The following FOXP1 variants were observed in gnomAD, a reference collection of about 807,000 sequenced individuals.
The protein encoded by FOXP1 is forkhead box protein P1.
Under a neutral mutation model 98.2 loss-of-function variants are expected in FOXP1, and 15 were observed. That is an observed-to-expected ratio of 0.15 (90% CI 0.10 to 0.24). FOXP1 has a LOEUF of 0.24. Among genes scored for constraint, FOXP1 ranks in the 10% least tolerant of loss-of-function variants. The probability of loss-of-function intolerance (pLI) is 1.00; values close to 1 mark genes in which losing one functional copy is unlikely to be tolerated. For synonymous variants in FOXP1, 371 were observed against 314.5 expected (o/e 1.18, Z -1.90); for missense variants, 633 against 848.5 (o/e 0.75, Z 3.15).
intron 9 of FOXP1, among the ~76,000 whole-genome samples, chr3:71,051,392 C>T (rs937012246): frequency 1.3e-5 from 2 of 152,122 alleles, no homozygotes; most frequent in Non-Finnish European, 2.9e-5. Flanking sequence ...CTTGGCAGGA[C>T]ATGGAAAACG....
chr3:71,429,877 C>G (rs924904426), intron 3 of FOXP1, among the ~76,000 whole-genome samples: 2 of 152,182 alleles, frequency 1.3e-5, no homozygotes, highest in African/African-American at 4.8e-5. Flanking sequence ...GTTTATTCCT[C>G]ACTCTAAAAC....
At chr3:71,562,187 G>C (rs970791902) in intron 2 of FOXP1, among the ~76,000 whole-genome samples, 2 of 152,192 alleles carry the variant, frequency 1.3e-5, no homozygotes, top group African/African-American at 4.8e-5. Flanking sequence ...TGCCTGGACA[G>C]GGAGCAATGA....
At chr3:71,234,428 C>G (rs1004682849) in intron 5 of FOXP1, among the ~76,000 whole-genome samples, 6 of 152,198 alleles carry the variant, frequency 3.9e-5, no homozygotes, top group African/African-American at 7.2e-5. Flanking sequence ...TTCACCCTTG[C>G]AAAAGAACTG....
At chr3:71,198,432 G>GGGGGGGGGGGGGGCCCGCC in intron 5 of FOXP1, 40 bp from the exon 6 acceptor site, 1 of 491,034 alleles carries the variant, frequency 2.0e-6, no homozygotes, top group East Asian at 5.7e-5. Flanking sequence ...GGGAGGGGGG[G>GGGGGGGGGGGGGGCCCGCC]AGAAAAAAAA....
chr3:71,566,922 T>G (rs1031334941), intron 2 of FOXP1, among the ~76,000 whole-genome samples: 1 of 152,030 alleles, frequency 6.6e-6, no homozygotes, highest in Non-Finnish European at 1.5e-5. Flanking sequence ...CACACCCATC[T>G]TCTCCCTGGG....
intron 5 of FOXP1, among the ~76,000 whole-genome samples, chr3:71,260,500 A>C (rs1223907430): frequency 3.9e-5 from 6 of 151,962 alleles, no homozygotes; most frequent in African/African-American, 1.5e-4. Flanking sequence ...TAAGTAATTT[A>C]ATTATTTCTG....
intron 7 of FOXP1, among the ~76,000 whole-genome samples, chr3:71,107,968 C>T (rs935603464): frequency 3.3e-5 from 5 of 152,136 alleles, no homozygotes; most frequent in African/African-American, 9.7e-5. Context: ...ACTAAAGGGC[C>T]GGCCTTCTAA....
At chr3:71,216,208 G>A (rs1009462351) in intron 5 of FOXP1, among the ~76,000 whole-genome samples, 10 of 152,338 alleles carry the variant, frequency 6.6e-5, no homozygotes, top group African/African-American at 2.4e-4. Context: ...GCACCTGGGT[G>A]TGTTCACTTC....
intron 2 of FOXP1, among the ~76,000 whole-genome samples, chr3:71,518,335 A>G (rs2042728718): frequency 6.6e-6 from 1 of 152,222 alleles, no homozygotes. Context: ...GCTCAAGGTC[A>G]GTCAACCAAA....
intron 3 of FOXP1, among the ~76,000 whole-genome samples, chr3:71,431,482 T>A (rs1266564342): frequency 6.6e-6 from 1 of 152,160 alleles, no homozygotes; most frequent in Admixed American, 6.5e-5. Context: ...CACTCAATTC[T>A]TACCATGACT....
intron 3 of FOXP1, among the ~76,000 whole-genome samples, chr3:71,420,632 C>T (rs1028957468): frequency 6.6e-6 from 1 of 152,162 alleles, no homozygotes; most frequent in African/African-American, 2.4e-5. Flanking sequence ...CCAAGTGGAT[C>T]AGCAAAGCAA....
intron 11 of FOXP1, among the ~76,000 whole-genome samples, chr3:71,027,485 A>C (rs1425563725): frequency 6.6e-6 from 1 of 152,190 alleles, no homozygotes; most frequent in African/African-American, 2.4e-5. Context: ...TCCCTACTTT[A>C]TGTAATTACA....
chr3:71,342,189 A>G, intron 4 of FOXP1, among the ~76,000 whole-genome samples: 1 of 152,306 alleles, frequency 6.6e-6, no homozygotes, highest in Middle Eastern at 3.4e-3. Context: ...ATTACAATCT[A>G]TTTTACAAAT....
chr3:70,963,075 CAAAT>C (rs980244238), intron 20 of FOXP1, among the ~76,000 whole-genome samples: 26 of 152,162 alleles, frequency 1.7e-4, no homozygotes, highest in African/African-American at 2.2e-4. Context: ...AGTGAAAAAA[CAAAT>C]AAACAAAACA....
Position 71,198,337 on chromosome 3 carries a change from G to A in FOXP1, c.45C>T (p.Ala15=). The A allele has an allele frequency of 1.9e-6, 3 of 1,610,970 alleles. No homozygotes were observed. The highest frequency in any genetic ancestry group is 2.5e-6 in the Non-Finnish European group (3 of 1,178,572). The part of the protein sequence containing the change: ...SGTETKSNGS[A]IQNGSGGSNH... ...TGCTGCCGCCCGACCCATTCTGGAT[G>A]GCTGAACCGTTACTTTTTGTCTCAG... The change falls in exon 6 of 21, where the codon GCC becomes GCT. Residue 15 remains alanine, a synonymous_variant. Transcript: ENST00000649528.
intron 3 of FOXP1, among the ~76,000 whole-genome samples, chr3:71,474,997 T>G (rs1422519869): frequency 6.6e-6 from 1 of 152,092 alleles, no homozygotes; most frequent in Non-Finnish European, 1.5e-5. Flanking sequence ...TTCCCATCTC[T>G]GTTATGCACA....
rs903150920 is a variant in FOXP1, at chr3:71,321,891, A to G, written c.-72-22011T>C. Among the ~76,000 whole-genome samples the G allele has an allele frequency of 2.0e-5, 3 of 152,210 alleles. No homozygotes were observed. In the East Asian group the frequency reaches 5.8e-4, roughly 29 times the overall value. The stretch of plus-strand genomic sequence containing the variant: ...TGCCTCGGCCTCCCAAAGTGCTGGG[A>G]TTACAGGCGTGAGCCACTGTGCCCA... On this transcript the variant is annotated intron_variant, in intron 4 of 20. Coordinates refer to ENST00000649528, the MANE Select transcript of FOXP1 (RefSeq NM_001349338.3).
intron 17 of FOXP1, 26 bp from the exon 18 acceptor site, chr3:70,972,702 A>AT: frequency 6.2e-7 from 1 of 1,612,688 alleles, no homozygotes. Context: ...AAGAGAGAAC[A>AT]TTTACATTTT....
At chr3:71,180,178 C>A (rs568084103) in intron 6 of FOXP1, among the ~76,000 whole-genome samples, 1 of 152,050 alleles carries the variant, frequency 6.6e-6, no homozygotes, top group Non-Finnish European at 1.5e-5. Context: ...AAAAAACCCA[C>A]CTTTTTGTTT....
Sources: gnomAD v4.1 joint callset for allele counts (sites outside exome capture counted in the v4.1 genomes callset) on GRCh38, gnomAD v4.1.1 for gene constraint, MANE v1.5 for transcripts, NCBI Gene and HGNC (gene_info 2026-07-23, HGNC 2026-07-21) for gene names.